Variants in DNAH3 observed in about 807,000 individuals in gnomAD.
DNAH3 encodes the protein dynein axonemal heavy chain 3, also known as axonemal beta dynein heavy chain 3.
In DNAH3, 332 loss-of-function variants were observed where a neutral mutation model predicts 432.5. The observed-to-expected ratio is 0.77, with a 90% CI of 0.70 to 0.84. The LOEUF (loss-of-function observed/expected upper bound fraction) is 0.84, where lower values mean the gene tolerates loss of function less well. DNAH3 is among the 40% of genes least tolerant of loss of function. The pLI, the probability that DNAH3 is intolerant of heterozygous loss-of-function variation, is 0.00. For missense variants in DNAH3, 4,861 were observed against 5,114.0 expected, an observed-to-expected ratio of 0.95 and a Z score of 1.51; for synonymous variants, 1,956 against 1,900.2, an observed-to-expected ratio of 1.03 and a Z score of -0.76.
chr16:20,966,173 G>T (rs1340850117), intron 52 of DNAH3, among the ~76,000 whole-genome samples: 3 of 150,632 alleles, frequency 2.0e-5, no homozygotes, highest in Non-Finnish European at 3.0e-5. Context: ...GAGCAGCTGG[G>T]ATTACAGGCA....
intron 38 of DNAH3, among the ~76,000 whole-genome samples, chr16:21,026,700 C>CAAAAA (rs35667454): frequency 3.1e-4 from 15 of 47,720 alleles, no homozygotes; most frequent in East Asian, 1.4e-3. Flanking sequence ...TACTCCGTCT[C>CAAAAA]AAAAAAAAAA....
intron 49 of DNAH3, among the ~76,000 whole-genome samples, chr16:20,980,297 C>CATATATTATAATATACATT (rs2085827228): frequency 3.7e-5 from 5 of 135,322 alleles, no homozygotes; most frequent in Non-Finnish European, 4.7e-5. Flanking sequence ...TAATATACAT[C>CATATATTATAATATACATT]ATATATTATA....
chr16:20,946,054 G>T (rs1014272756), intron 57 of DNAH3, among the ~76,000 whole-genome samples: 3 of 152,156 alleles, frequency 2.0e-5, no homozygotes, highest in Admixed American at 6.5e-5. Context: ...CTTGTCCGGG[G>T]CACTCTAAAA....
chr16:21,027,803 G>C (rs1027708762), intron 37 of DNAH3, among the ~76,000 whole-genome samples: 2 of 152,182 alleles, frequency 1.3e-5, no homozygotes, highest in Non-Finnish European at 2.9e-5. Context: ...ATGAAGAATC[G>C]AGAAGTTATC....
intron 18 of DNAH3, among the ~76,000 whole-genome samples, chr16:21,089,519 A>C (rs2091471688): frequency 6.6e-6 from 1 of 152,214 alleles, no homozygotes. Flanking sequence ...AGTGTCTTTT[A>C]TGGCCATAAT....
chr16:21,140,656 CT>C lies in DNAH3; in HGVS notation c.575del (p.Lys192ArgfsTer4). 1 of 1,614,138 alleles carries C rather than the reference CT, an allele frequency of 6.2e-7. No homozygotes were observed. Among genetic ancestry groups the C allele is most frequent in the Non-Finnish European group, 8.5e-7 (1 of 1,180,034 alleles). The stretch of plus-strand genomic sequence containing the variant: ...TGCTTCCTGGGAACGTCAAAGATGT[CT>C]TTACCTCCTTCTTCATGGGTGAGAA... On this transcript the variant is annotated frameshift_variant, in exon 5 of 62. Transcript: ENST00000261383. LOFTEE classifies it high-confidence loss of function.
chr16:21,061,616 T>C (rs1201090726), intron 25 of DNAH3, among the ~76,000 whole-genome samples: 1 of 152,206 alleles, frequency 6.6e-6, no homozygotes, highest in African/African-American at 2.4e-5. Context: ...ATAAAATAAA[T>C]TGCATCTTTT....
chr16:21,147,221 T>TTAAAA (rs2092797076), intron 1 of DNAH3, among the ~76,000 whole-genome samples: 1 of 150,892 alleles, frequency 6.6e-6, no homozygotes, highest in African/African-American at 2.5e-5. Context: ...CATTGACTCT[T>TTAAAA]GCATTTTTTT....
intron 29 of DNAH3, among the ~76,000 whole-genome samples, 168 bp from the exon 30 acceptor site, chr16:21,050,186 A>G (rs1250226625): frequency 6.6e-6 from 1 of 152,228 alleles, no homozygotes; most frequent in African/African-American, 2.4e-5. Context: ...GCACCAACCA[A>G]ATAGTTAAAA....
rs750806007 is a variant in DNAH3, at chr16:21,081,663, TC to T, written c.2941del (p.Glu981AsnfsTer31). 1.7e-5 allele frequency: 28 copies of T among 1,613,590 alleles called. No individual in the cohort carries two copies. Among genetic ancestry groups the T allele is most frequent in the African/African-American group, 2.7e-5 (2 of 74,898 alleles). ...TTCAACGAATTTGCCGAATCCAAAT[TC>T]GAGCATATTTGAGAGGCAGGTCGTT... On this transcript the variant is annotated frameshift_variant, in exon 20 of 62. Transcript: ENST00000261383. LOFTEE classifies it high-confidence loss of function.
At chr16:21,051,763 A>C in exon 29 of DNAH3, 2 of 1,614,086 alleles carry the variant, frequency 1.2e-6, no homozygotes, top group Non-Finnish European at 1.7e-6. Context: ...GATAATCTGC[A>C]CCTGCACATC....
intron 18 of DNAH3, among the ~76,000 whole-genome samples, chr16:21,090,202 A>G (rs2091489674): frequency 6.6e-6 from 1 of 152,072 alleles, no homozygotes; most frequent in Non-Finnish European, 1.5e-5. Context: ...TCCAAAATAT[A>G]AAAACTTCAG....
At chr16:21,043,025 T>TATTC (rs1333960237) in intron 31 of DNAH3, among the ~76,000 whole-genome samples, 1 of 152,242 alleles carries the variant, frequency 6.6e-6, no homozygotes, top group Admixed American at 6.5e-5. Flanking sequence ...GGCTGCATAG[T>TATTC]ATTCCATGGT....
chr16:21,054,417 T>C lies in DNAH3; in HGVS notation c.4039+3A>G. 6.2e-7 allele frequency: 1 copy of C among 1,611,840 alleles called. No individual in the cohort carries two copies. The highest frequency in any genetic ancestry group is 1.1e-5 in the South Asian group (1 of 91,026). On this transcript the variant is annotated splice_donor_region_variant and intron_variant, in intron 28 of 61. Transcript: ENST00000261383. ...TAATGACAGGGGAAGCCCCCTGGCTTACCGTGGACATCGATGACCGTGAGG... is the reference window on the plus strand; with the variant it reads ...TAATGACAGGGGAAGCCCCCTGGCTCACCGTGGACATCGATGACCGTGAGG...
At chr16:21,057,934 T>C in intron 27 of DNAH3, 152 bp downstream of exon 27, 1 of 622,692 alleles carries the variant, frequency 1.6e-6, no homozygotes, top group South Asian at 1.9e-5. Context: ...AAATTCTCCA[T>C]CCCACTGTCC....
exon 23 of DNAH3, chr16:21,069,546 A>G (rs1466619938): frequency 6.2e-7 from 1 of 1,613,370 alleles, no homozygotes; most frequent in South Asian, 1.1e-5. Flanking sequence ...TGGCATTTCA[A>G]CCAGGCATCC....
At chr16:21,096,867 A>C (rs2091697927) in intron 18 of DNAH3, among the ~76,000 whole-genome samples, 1 of 152,164 alleles carries the variant, frequency 6.6e-6, no homozygotes, top group Non-Finnish European at 1.5e-5. Context: ...TAAGCATTAA[A>C]ATTCTTACCT....
At chr16:21,039,859 A>G (rs1003386297) in exon 33 of DNAH3, 1 of 1,611,352 alleles carries the variant, frequency 6.2e-7, no homozygotes, top group Non-Finnish European at 8.5e-7. Flanking sequence ...CACCTTCTGG[A>G]GTCCAGAAAC....
At chr16:21,133,361 CAAAA>C (rs34385925) in intron 7 of DNAH3, among the ~76,000 whole-genome samples, 4 of 70,192 alleles carry the variant, frequency 5.7e-5, no homozygotes, top group African/African-American at 1.1e-4. Context: ...AGATTCGTCT[CAAAA>C]AAAAAAAAAA....
Sources: gnomAD v4.1 joint callset for allele counts (sites outside exome capture counted in the v4.1 genomes callset) on GRCh38, gnomAD v4.1.1 for gene constraint, MANE v1.5 for transcripts, NCBI Gene and HGNC (gene_info 2026-07-23, HGNC 2026-07-21) for gene names.